LDLRAD3: variants seen among roughly 807,000 people sequenced by gnomAD.
LDLRAD3 encodes low density lipoprotein receptor class A domain containing 3, also known as low-density lipoprotein receptor class A domain-containing protein 3.
A neutral mutation model predicts 29.4 loss-of-function variants in LDLRAD3; 20 were observed. The observed-to-expected ratio is 0.68, with a 90% confidence interval of 0.48 to 0.99. The LOEUF (loss-of-function observed/expected upper bound fraction) is 0.99. Among genes scored for constraint, LDLRAD3 ranks in the 50% least tolerant of loss-of-function variants. The pLI, the probability that LDLRAD3 is intolerant of heterozygous loss-of-function variation, is 0.00. For missense variants in LDLRAD3, 420 were observed against 454.3 expected (o/e 0.92, Z 0.69); for synonymous variants, 157 against 192.7 (o/e 0.81, Z 1.53).
intron 4 of LDLRAD3, among the ~76,000 whole-genome samples, chr11:36,117,197 A>C (rs1378333865): frequency 6.6e-6 from 1 of 152,234 alleles, no homozygotes. Flanking sequence ...GTGAGGTAGA[A>C]TCTGGAAGGA....
At chr11:35,952,168 C>G (rs1039360615) in intron 1 of LDLRAD3, among the ~76,000 whole-genome samples, 1 of 152,182 alleles carries the variant, frequency 6.6e-6, no homozygotes, top group Non-Finnish European at 1.5e-5. Flanking sequence ...CAGTAACTTT[C>G]CTAAACCTTC....
At chr11:36,143,734 C>T (rs1280519441) in intron 4 of LDLRAD3, among the ~76,000 whole-genome samples, 2 of 152,208 alleles carry the variant, frequency 1.3e-5, no homozygotes, top group Admixed American at 6.5e-5. Flanking sequence ...GGTCTGGTTT[C>T]TCCCAGCACC....
At chr11:36,017,309 C>G (rs1852035754) in intron 1 of LDLRAD3, among the ~76,000 whole-genome samples, 1 of 152,146 alleles carries the variant, frequency 6.6e-6, no homozygotes, top group East Asian at 1.9e-4. Context: ...AAAGCTTTGG[C>G]TAACTTTCTC....
At chr11:36,189,411 G>A (rs1854904564) in intron 4 of LDLRAD3, among the ~76,000 whole-genome samples, 1 of 152,054 alleles carries the variant, frequency 6.6e-6, no homozygotes, top group Admixed American at 6.5e-5. Context: ...TTGAACCCGA[G>A]AGGCGGAGGT....
At chr11:36,003,394 A>C (rs1295215845) in intron 1 of LDLRAD3, among the ~76,000 whole-genome samples, 3 of 152,186 alleles carry the variant, frequency 2.0e-5, no homozygotes, top group African/African-American at 7.2e-5. Flanking sequence ...TTTCCTGTTG[A>C]AGCCTGAGTC....
At chr11:35,957,642 A>G (rs1255757762) in intron 1 of LDLRAD3, among the ~76,000 whole-genome samples, 2 of 152,090 alleles carry the variant, frequency 1.3e-5, no homozygotes, top group African/African-American at 4.8e-5. Context: ...ACTACTAAAA[A>G]TACAAAAATT....
chr11:36,213,194 G>A lies in LDLRAD3; in HGVS notation c.455-13891G>A, dbSNP rs1315658068. Among the ~76,000 whole-genome samples the A allele has an allele frequency of 6.6e-6, 1 of 152,006 alleles. No individual in the cohort carries two copies. Among genetic ancestry groups the A allele is most frequent in the African/African-American group, 2.4e-5 (1 of 41,376 alleles). Reference sequence around the variant, plus strand: ...CAGCTCTCAATGGTCCTGGTTCCCAGCATCCTGGCAGATGGGTCTCCTCTC... The same window carrying A: ...CAGCTCTCAATGGTCCTGGTTCCCAACATCCTGGCAGATGGGTCTCCTCTC... On this transcript the variant is annotated intron_variant, in intron 4 of 5. Transcript: ENST00000315571. This position sits in a 1 kb window ranked among gnomAD's most constrained non-coding sequence, Gnocchi z 4.1.
At chr11:36,137,801 G>A (rs777457940) in intron 4 of LDLRAD3, among the ~76,000 whole-genome samples, 2 of 152,190 alleles carry the variant, frequency 1.3e-5, no homozygotes, top group South Asian at 2.1e-4. Flanking sequence ...CGTTGCTGCC[G>A]CTCTTCCCTG....
At chr11:36,001,341 A>T (rs758643777) in intron 1 of LDLRAD3, among the ~76,000 whole-genome samples, 8 of 152,166 alleles carry the variant, frequency 5.3e-5, no homozygotes, top group Non-Finnish European at 1.0e-4. Flanking sequence ...TCCTAATGCT[A>T]TCCCTCCCCG....
intron 3 of LDLRAD3, among the ~76,000 whole-genome samples, chr11:36,096,452 G>A (rs1316514080): frequency 2.0e-5 from 3 of 152,170 alleles, no homozygotes; most frequent in African/African-American, 7.2e-5. Context: ...ATGAATATGG[G>A]TGCCAGCTCA....
chr11:36,116,934 C>T (rs1034316230), intron 4 of LDLRAD3, among the ~76,000 whole-genome samples: 3 of 151,606 alleles, frequency 2.0e-5, no homozygotes, highest in East Asian at 1.9e-4. Context: ...CTCTGCCTCC[C>T]GGGTTCAACC....
intron 1 of LDLRAD3, among the ~76,000 whole-genome samples, chr11:35,984,085 T>A (rs1410453501): frequency 6.6e-6 from 1 of 152,182 alleles, no homozygotes; most frequent in African/African-American, 2.4e-5. Flanking sequence ...AATAGATTGC[T>A]CCATTTTTGG....
chr11:36,097,204 G>A (rs1262419616), intron 3 of LDLRAD3, among the ~76,000 whole-genome samples: 3 of 152,172 alleles, frequency 2.0e-5, no homozygotes, highest in South Asian at 4.1e-4. Context: ...GACCAACTAG[G>A]TTCATGGGCT....
intron 1 of LDLRAD3, among the ~76,000 whole-genome samples, chr11:36,008,681 T>C (rs932200428): frequency 3.3e-5 from 5 of 152,236 alleles, no homozygotes; most frequent in African/African-American, 1.2e-4. Context: ...GAAAGGCCCA[T>C]GTTTAACTGG....
chr11:35,951,096 T>TAA (rs779266584), intron 1 of LDLRAD3, among the ~76,000 whole-genome samples: 1 of 150,842 alleles, frequency 6.6e-6, no homozygotes, highest in Non-Finnish European at 1.5e-5. Flanking sequence ...AATAAAAAAT[T>TAA]AAAAAAAAAT....
chr11:36,023,137 C>T (rs1852119243), intron 1 of LDLRAD3, among the ~76,000 whole-genome samples: 1 of 152,308 alleles, frequency 6.6e-6, no homozygotes, highest in South Asian at 2.1e-4. Flanking sequence ...TTAATATGCA[C>T]ACCCTCTTTG....
intron 1 of LDLRAD3, among the ~76,000 whole-genome samples, chr11:35,972,944 T>C (rs1360587046): frequency 6.6e-6 from 1 of 151,324 alleles, no homozygotes; most frequent in Non-Finnish European, 1.5e-5. Flanking sequence ...TCCCAGCTAC[T>C]TGGGAGGCTG....
At chr11:36,025,389 AT>A (rs35778261) in intron 1 of LDLRAD3, among the ~76,000 whole-genome samples, 439 of 137,968 alleles carry the variant, frequency 3.2e-3, no homozygotes, top group African/African-American at 6.6e-3. Flanking sequence ...CTGGCTTCAG[AT>A]TTTTTTTTTT....
chr11:36,225,440 T>C (rs1216155936), intron 4 of LDLRAD3, among the ~76,000 whole-genome samples: 1 of 152,142 alleles, frequency 6.6e-6, no homozygotes, highest in Admixed American at 6.5e-5. Flanking sequence ...ACCTGGGTGC[T>C]TGAAGTATGG....
Sources: allele counts gnomAD v4.1 joint callset (sites outside exome capture counted in the v4.1 genomes callset), GRCh38; gene constraint gnomAD v4.1.1; non-coding constraint Gnocchi (gnomAD v3.1); transcripts MANE v1.5; gene names NCBI Gene and HGNC (gene_info 2026-07-23, HGNC 2026-07-21).